FRMD6: variants seen among roughly 807,000 people sequenced by gnomAD.
The protein encoded by FRMD6 is FERM domain-containing protein 6.
In FRMD6, 37 loss-of-function variants were observed where a neutral mutation model predicts 73.2. The ratio of observed to expected loss-of-function variants is 0.51; its 90% confidence interval spans 0.39 to 0.66. The LOEUF is 0.66. Among genes scored for constraint, FRMD6 ranks in the 30% least tolerant of loss-of-function variants. The pLI is 0.00. For synonymous variants in FRMD6, 273 were observed against 282.2 expected, an observed-to-expected ratio of 0.97 and a Z score of 0.33; for missense variants, 714 against 780.5, an observed-to-expected ratio of 0.91 and a Z score of 1.02.
At chr14:51,611,278 C>G (rs1175281339) in intron 2 of FRMD6, among the ~76,000 whole-genome samples, 1 of 152,160 alleles carries the variant, frequency 6.6e-6, no homozygotes, top group Non-Finnish European at 1.5e-5. Flanking sequence ...ACCAGAACTT[C>G]CCATAGAAAT....
intron 9 of FRMD6, chr14:51,714,686 G>A (rs996168977): frequency 2.0e-5 from 3 of 152,112 alleles, no homozygotes; most frequent in Admixed American, 1.3e-4. Context: ...TTTAGCTAGG[G>A]AAGTTTTCCA....
chr14:51,415,249 T>C, the FRMD6 span, among the ~76,000 whole-genome samples: 4 of 152,348 alleles, frequency 2.6e-5, no homozygotes, highest in Non-Finnish European at 5.9e-5. Flanking sequence ...AGGGAATGCT[T>C]CCAGTTTCTG....
chr14:51,424,411 TC>T, the FRMD6 span, among the ~76,000 whole-genome samples: 1 of 152,168 alleles, frequency 6.6e-6, no homozygotes, highest in African/African-American at 2.4e-5. Context: ...CAAAAGCAAA[TC>T]CTTTAAATTC....
At chr14:51,539,822 C>T (rs1886103931) in intron 1 of FRMD6, among the ~76,000 whole-genome samples, 1 of 152,152 alleles carries the variant, frequency 6.6e-6, no homozygotes, top group East Asian at 1.9e-4. Context: ...TCCTGAGGTA[C>T]AGCTGACTTA....
Position 51,595,659 on chromosome 14 carries a change from C to A in FRMD6, c.-147+25249C>A, listed in dbSNP as rs559499821. On this transcript the variant is annotated intron_variant, in intron 2 of 14. Coordinates refer to the FRMD6 transcript ENST00000356218. ...GAAGCCCTTCTGTTTCATGGAAAAG[C>A]CAATTAATGAGGATGAATTGAAGAT... Among the ~76,000 whole-genome samples, 4 of 152,204 alleles carry A rather than the reference C, an allele frequency of 2.6e-5. No homozygotes were observed. The South Asian group carries it at 8.3e-4, about 32-fold the overall frequency.
At chr14:51,574,238 T>G (rs924391236) in intron 2 of FRMD6, among the ~76,000 whole-genome samples, 1 of 152,186 alleles carries the variant, frequency 6.6e-6, no homozygotes, top group African/African-American at 2.4e-5. Context: ...GCTCTCCCTC[T>G]CATTGCTCAA....
At chr14:51,525,126 C>T (rs56751726) in intron 1 of FRMD6, among the ~76,000 whole-genome samples, 17,965 of 138,066 alleles carry the variant, frequency 0.13, 1,233 homozygotes, top group East Asian at 0.28. Context: ...TAGATAGAGA[C>T]AGATGATAGG....
the FRMD6 span, among the ~76,000 whole-genome samples, chr14:51,414,135 C>T: frequency 1.3e-5 from 2 of 152,044 alleles, no homozygotes; most frequent in Non-Finnish European, 2.9e-5. Context: ...TTTCTTTTGC[C>T]AGGCAGAAGC....
chr14:51,497,248 T>G (rs984582870), intron 1 of FRMD6, among the ~76,000 whole-genome samples: 1 of 152,070 alleles, frequency 6.6e-6, no homozygotes, highest in Non-Finnish European at 1.5e-5. Flanking sequence ...TTTTTTTTTT[T>G]TTTTAAGAAA....
chr14:51,466,188 T>C, the FRMD6 span, among the ~76,000 whole-genome samples: 1 of 152,338 alleles, frequency 6.6e-6, no homozygotes, highest in Non-Finnish European at 1.5e-5. Flanking sequence ...AAGTCTTTTA[T>C]ATAGATTGCA....
At chr14:51,412,192 A>G in the FRMD6 span, among the ~76,000 whole-genome samples, 1 of 152,106 alleles carries the variant, frequency 6.6e-6, no homozygotes, top group African/African-American at 2.4e-5. Context: ...TTCTTTTTAA[A>G]TATATATTTT....
the FRMD6 span, among the ~76,000 whole-genome samples, chr14:51,409,837 C>T: frequency 6.6e-6 from 1 of 152,132 alleles, no homozygotes; most frequent in Non-Finnish European, 1.5e-5. Flanking sequence ...GATCCATGCA[C>T]GCCAGGCTTC....
intron 1 of FRMD6, among the ~76,000 whole-genome samples, chr14:51,663,712 A>G (rs889538435): frequency 5.9e-5 from 9 of 152,238 alleles, no homozygotes; most frequent in Non-Finnish European, 8.8e-5. Context: ...GTTTATCTAT[A>G]TAACAAACCT....
At chr14:51,721,724 G>GGAA (rs1566598294) in intron 11 of FRMD6, among the ~76,000 whole-genome samples, 1 of 85,024 alleles carries the variant, frequency 1.2e-5, no homozygotes, top group Non-Finnish European at 2.2e-5. Flanking sequence ...GGAAGGGAGG[G>GGAA]AGGAAGGGAG....
chr14:51,664,479 A>C (rs985296959), intron 1 of FRMD6, among the ~76,000 whole-genome samples: 9 of 152,258 alleles, frequency 5.9e-5, no homozygotes, highest in African/African-American at 2.2e-4. Context: ...TTAAAATGCT[A>C]ACACATAGGC....
chr14:51,554,931 A>C (rs1315365775), intron 1 of FRMD6: 2 of 152,256 alleles, frequency 1.3e-5, no homozygotes, highest in African/African-American at 4.8e-5. Context: ...GAACCTGGGC[A>C]CATGGTACAT....
chr14:51,430,517 G>C, the FRMD6 span, among the ~76,000 whole-genome samples: 9 of 151,092 alleles, frequency 6.0e-5, no homozygotes, highest in Admixed American at 4.0e-4. Context: ...TATTTTGAAA[G>C]TTTAGGCATA....
At chr14:51,706,585 GTCTT>G (rs1232183306) in intron 6 of FRMD6, among the ~76,000 whole-genome samples, 4 of 151,884 alleles carry the variant, frequency 2.6e-5, no homozygotes, top group African/African-American at 9.7e-5. Context: ...CATGCTTCAG[GTCTT>G]TCTTCTTGCA....
At chr14:51,651,357 G>C (rs997010663), upstream of FRMD6, 4 of 152,316 alleles carry the variant, frequency 2.6e-5, no homozygotes, top group East Asian at 3.9e-4. Flanking sequence ...ACCTCCGCCG[G>C]GGACCGCCTT....
Sources: gnomAD v4.1 joint callset for allele counts (sites outside exome capture counted in the v4.1 genomes callset) on GRCh38, gnomAD v4.1.1 for gene constraint, MANE v1.5 for transcripts, NCBI Gene and HGNC (gene_info 2026-07-23, HGNC 2026-07-21) for gene names.